Variants in FBXL7 observed in about 807,000 individuals in gnomAD.
FBXL7 encodes F-box/LRR-repeat protein 7.
A neutral mutation model predicts 38.3 loss-of-function variants in FBXL7; 12 were observed. The observed-to-expected ratio is 0.31, with a 90% CI of 0.20 to 0.51. The LOEUF (loss-of-function observed/expected upper bound fraction) is 0.51, where lower values mean the gene tolerates loss of function less well. FBXL7 is among the 20% of genes least tolerant of loss of function. The pLI is 0.98. For synonymous variants in FBXL7, 297 were observed against 300.9 expected (o/e 0.99, Z 0.13); for missense variants, 567 against 676.4 (o/e 0.84, Z 1.79).
At chr5:15,714,981 C>T (rs909094750) in intron 2 of FBXL7, among the ~76,000 whole-genome samples, 1 of 152,082 alleles carries the variant, frequency 6.6e-6, no homozygotes, top group African/African-American at 2.4e-5. Context: ...TGCAAGTGGC[C>T]TCTAGAAGCT....
intron 1 of FBXL7, among the ~76,000 whole-genome samples, chr5:15,570,829 A>C (rs1399961694): frequency 3.3e-5 from 5 of 152,170 alleles, no homozygotes; most frequent in Non-Finnish European, 5.9e-5. Flanking sequence ...ACTGTGTCTC[A>C]TGCCTGTAAT....
At chr5:15,543,933 C>T (rs868830003) in intron 1 of FBXL7, among the ~76,000 whole-genome samples, 6 of 152,112 alleles carry the variant, frequency 3.9e-5, no homozygotes, top group South Asian at 2.1e-4. Flanking sequence ...GACTCAACTC[C>T]GGAGGTGGGA....
rs567843493 is a variant in FBXL7 at position 15,727,908 on chromosome 5, C to T, written c.127+111836C>T. ...TCCTTTGGGATCTGGTTACTTCCAT[C>T]GTTTTTTGTTGCTGTTATGGTTGTT... On this transcript the variant is annotated intron_variant, in intron 2 of 3. Coordinates refer to ENST00000504595, the MANE Select transcript of FBXL7 (RefSeq NM_012304.5). Among the ~76,000 whole-genome samples the T allele has an allele frequency of 2.0e-5, 3 of 152,164 alleles. No individual in the cohort carries two copies. The South Asian group carries it at 6.2e-4, about 32-fold the overall frequency.
intron 2 of FBXL7, among the ~76,000 whole-genome samples, chr5:15,702,702 A>G (rs1240286259): frequency 1.3e-5 from 2 of 152,168 alleles, no homozygotes; most frequent in South Asian, 2.1e-4. Flanking sequence ...TCTTCTCTGT[A>G]GATCAAAATA....
At chr5:15,571,234 CT>C (rs1254748453) in intron 1 of FBXL7, among the ~76,000 whole-genome samples, 2 of 152,028 alleles carry the variant, frequency 1.3e-5, no homozygotes, top group African/African-American at 2.4e-5. Flanking sequence ...TGGCCTCTAA[CT>C]TTTTTTCTTT....
intron 2 of FBXL7, among the ~76,000 whole-genome samples, chr5:15,883,866 A>G (rs1740563962): frequency 6.6e-6 from 1 of 152,256 alleles, no homozygotes; most frequent in African/African-American, 2.4e-5. Context: ...AAACATGGAT[A>G]ACTGCCTAAT....
At chr5:15,638,240 G>A (rs935380113) in intron 2 of FBXL7, among the ~76,000 whole-genome samples, 4 of 152,330 alleles carry the variant, frequency 2.6e-5, no homozygotes, top group Middle Eastern at 3.4e-3. Context: ...CAGAGGAGCT[G>A]ATGTCTGATC....
chr5:15,611,820 TAA>T (rs780092100), intron 1 of FBXL7, among the ~76,000 whole-genome samples: 9 of 138,552 alleles, frequency 6.5e-5, no homozygotes, highest in African/African-American at 7.9e-5. Context: ...TCATCTCTAT[TAA>T]AAAAAAAAAA....
intron 2 of FBXL7, among the ~76,000 whole-genome samples, chr5:15,616,372 C>A (rs1740452741): frequency 6.6e-6 from 1 of 152,130 alleles, no homozygotes; most frequent in South Asian, 2.1e-4. Context: ...CCTTGTCTTT[C>A]CGTATAAAAA....
intron 1 of FBXL7, among the ~76,000 whole-genome samples, chr5:15,527,350 G>A (rs1340174080): frequency 6.6e-6 from 1 of 152,038 alleles, no homozygotes; most frequent in Non-Finnish European, 1.5e-5. Context: ...TATCTGTGAT[G>A]GTGATTTTTT....
intron 2 of FBXL7, among the ~76,000 whole-genome samples, chr5:15,625,486 C>T (rs1740782002): frequency 6.6e-6 from 1 of 152,076 alleles, no homozygotes; most frequent in Non-Finnish European, 1.5e-5. Context: ...AACCCCGTCT[C>T]TACTAAAAAT....
chr5:15,934,186 G>C (rs566471879), intron 3 of FBXL7, among the ~76,000 whole-genome samples: 5 of 152,124 alleles, frequency 3.3e-5, no homozygotes, highest in Non-Finnish European at 5.9e-5. Context: ...TGTGTTTTTA[G>C]TAGAGACGGG....
chr5:15,906,837 G>T (rs1741381943), intron 2 of FBXL7, among the ~76,000 whole-genome samples: 1 of 22,472 alleles, frequency 4.4e-5, no homozygotes, highest in African/African-American at 1.9e-4. Context: ...CCCTACAAAG[G>T]ATATGAACTC....
chr5:15,851,348 A>G (rs936065627), intron 2 of FBXL7, among the ~76,000 whole-genome samples: 2 of 152,212 alleles, frequency 1.3e-5, no homozygotes, highest in African/African-American at 4.8e-5. Flanking sequence ...TCTCTTTGTC[A>G]GAATCACTCA....
intron 2 of FBXL7, among the ~76,000 whole-genome samples, chr5:15,683,641 G>A (rs1015733985): frequency 6.6e-6 from 1 of 152,180 alleles, no homozygotes; most frequent in Non-Finnish European, 1.5e-5. Context: ...GGCAGCCACA[G>A]CAATGACACG....
chr5:15,927,547 G>A lies in FBXL7; in HGVS notation c.128-343G>A, dbSNP rs1018041081. Among the ~76,000 whole-genome samples the A allele has an allele frequency of 3.7e-4, 56 of 152,028 alleles. 1 individual carries two copies. The highest frequency in any genetic ancestry group is 1.2e-3 in the African/African-American group (48 of 41,356). On this transcript the variant is annotated intron_variant, in intron 2 of 3. Transcript: ENST00000504595. Reference sequence around the variant, plus strand: ...AGCATTTTGGTAGGCCAAGGCGGGCGGATGACCTGAGGTCAGGAGTTCGAG... The same window carrying A: ...AGCATTTTGGTAGGCCAAGGCGGGCAGATGACCTGAGGTCAGGAGTTCGAG...
At chr5:15,573,132 G>C (rs547567014) in intron 1 of FBXL7, among the ~76,000 whole-genome samples, 1 of 152,236 alleles carries the variant, frequency 6.6e-6, no homozygotes, top group Non-Finnish European at 1.5e-5. Context: ...GTTTACTGCA[G>C]GTGTTTGTCA....
intron 1 of FBXL7, among the ~76,000 whole-genome samples, chr5:15,521,582 C>A (rs1737097680): frequency 6.6e-6 from 1 of 152,144 alleles, no homozygotes; most frequent in Non-Finnish European, 1.5e-5. Flanking sequence ...GATTTAGATG[C>A]TTTCACTTTG....
intron 2 of FBXL7, among the ~76,000 whole-genome samples, chr5:15,775,250 G>A (rs1038370772): frequency 1.3e-5 from 2 of 152,154 alleles, no homozygotes; most frequent in African/African-American, 4.8e-5. Context: ...AAAACATTTA[G>A]AGTTGGGTTT....
Sources: gnomAD v4.1 joint callset for allele counts (sites outside exome capture counted in the v4.1 genomes callset) on GRCh38, gnomAD v4.1.1 for gene constraint, MANE v1.5 for transcripts, NCBI Gene and HGNC (gene_info 2026-07-23, HGNC 2026-07-21) for gene names.